The following SCTR variants were observed in gnomAD, a reference collection of about 807,000 sequenced individuals.
SCTR encodes secretin receptor.
A neutral mutation model predicts 60.8 loss-of-function variants in SCTR; 56 were observed. The ratio of observed to expected loss-of-function variants is 0.92; its 90% CI spans 0.74 to 1.15. The LOEUF (loss-of-function observed/expected upper bound fraction) is 1.15. Among genes scored for constraint, SCTR ranks in the 50% most tolerant of loss-of-function variants. The pLI is 0.00. For missense variants in SCTR, 562 were observed against 550.4 expected (o/e 1.02, Z -0.21); for synonymous variants, 202 against 217.0 (o/e 0.93, Z 0.61).
rs1436019309 is a variant in SCTR, at chr2:119,465,723, G to A, written c.503+66C>T. The A allele has an allele frequency of 4.5e-6, 5 of 1,100,990 alleles. No individual in the cohort carries two copies. In the African/African-American group the frequency reaches 7.7e-5, roughly 17 times the overall value. 68.2% of individuals were successfully genotyped at this position (1,100,990 alleles called of 1,614,324 possible). ...CTTCCTCTTTCTGTCCTGGGTGGTT[G>A]AGAAGAGACCCAAAGTCTGTACCTG... On this transcript the variant is annotated intron_variant, in intron 5 of 12. Transcript: ENST00000019103.
At chr2:119,479,122 A>G in intron 2 of SCTR, 1 of 1,323,930 alleles carries the variant, frequency 7.6e-7, no homozygotes, top group Non-Finnish European at 9.6e-7. Flanking sequence ...GGTAGTGCTC[A>G]GTGTTGAAGA....
Position 119,491,789 on chromosome 2 carries a change from G to C in SCTR, c.193+2639C>G, listed in dbSNP as rs1678142336. On this transcript the variant is annotated intron_variant, in intron 2 of 12. Coordinates refer to ENST00000019103, the MANE Select transcript of SCTR (RefSeq NM_002980.3). ...GCCCTCCAAAGTGCTGGGATTACAG[G>C]TGTAAGCCGCTGTGCCCGGCAATCA... is the stretch of plus-strand genomic sequence containing the variant. Among the ~76,000 whole-genome samples, 5 of 152,320 alleles carry C rather than the reference G, an allele frequency of 3.3e-5. No individual in the cohort carries two copies. The South Asian group carries it at 1.0e-3, about 32-fold the overall frequency.
chr2:119,480,331 A>C (rs1677543527), intron 2 of SCTR, among the ~76,000 whole-genome samples: 1 of 152,228 alleles, frequency 6.6e-6, no homozygotes, highest in African/African-American at 2.4e-5. Context: ...GACTTCTTAC[A>C]TGGCGGTGGG....
chr2:119,448,688 C>T lies in SCTR; in HGVS notation c.1013+1G>A, dbSNP rs777973271. The T allele has an allele frequency of 6.4e-7, 1 of 1,551,484 alleles. No homozygotes were observed. Among genetic ancestry groups the T allele is most frequent in the Non-Finnish European group, 8.9e-7 (1 of 1,122,896 alleles). On this transcript the variant is annotated splice_donor_variant, in intron 10 of 12. Coordinates refer to ENST00000019103, the MANE Select transcript of SCTR (RefSeq NM_002980.3). LOFTEE classifies it high-confidence loss of function. ...TGCCTCAGTCTTTGCCCTTCACTTA[C>T]TTATAATGGCTGACTTCATTTCCTC...
chr2:119,517,626 T>C (rs887647611), intron 1 of SCTR, among the ~76,000 whole-genome samples: 4 of 152,154 alleles, frequency 2.6e-5, no homozygotes, highest in South Asian at 2.1e-4. Context: ...TACAGGAAGC[T>C]GGCCACCAGG....
At chr2:119,453,478 C>G (rs1683252757) in intron 7 of SCTR, 131 bp from the exon 8 acceptor site, 1 of 714,796 alleles carries the variant, frequency 1.4e-6, no homozygotes, top group Non-Finnish European at 2.5e-6. Context: ...CCACAGAAAC[C>G]CCTCTGCCAT....
chr2:119,477,729 G>C (rs541715703), intron 3 of SCTR, among the ~76,000 whole-genome samples: 3 of 152,332 alleles, frequency 2.0e-5, no homozygotes, highest in African/African-American at 7.2e-5. Context: ...GGGATTACAG[G>C]TGTGAGCCAC....
At chr2:119,503,295 G>T (rs530900151) in intron 1 of SCTR, among the ~76,000 whole-genome samples, 3 of 152,226 alleles carry the variant, frequency 2.0e-5, no homozygotes, top group Admixed American at 6.5e-5. Flanking sequence ...AGCTGGCAGT[G>T]GCGTCTTACA....
At chr2:119,481,486 G>A (rs957128816) in intron 2 of SCTR, among the ~76,000 whole-genome samples, 1 of 152,210 alleles carries the variant, frequency 6.6e-6, no homozygotes, top group African/African-American at 2.4e-5. Flanking sequence ...AAATGCCGCT[G>A]AAGTGGTTCC....
At chr2:119,456,256 C>T (rs954552444) in intron 7 of SCTR, among the ~76,000 whole-genome samples, 7 of 151,920 alleles carry the variant, frequency 4.6e-5, no homozygotes, top group African/African-American at 1.7e-4. Flanking sequence ...GACAGGGTTT[C>T]AACACGTTGG....
chr2:119,508,383 C>CTTTTTTTTTTTTTTTTTTTTTTTTTTTTT (rs34070844), intron 1 of SCTR, among the ~76,000 whole-genome samples: 7 of 77,376 alleles, frequency 9.0e-5, no homozygotes, highest in Non-Finnish European at 1.1e-4. Flanking sequence ...TCTTCTTCTT[C>CTTTTTTTTTTTTTTTTTTTTTTTTTTTTT]TTTTTTTTTT....
chr2:119,457,207 A>C (rs1180519141), intron 7 of SCTR, among the ~76,000 whole-genome samples: 1 of 152,024 alleles, frequency 6.6e-6, no homozygotes, highest in Non-Finnish European at 1.5e-5. Flanking sequence ...ATTTGAGAGA[A>C]TTGATGCTGG....
At chr2:119,441,487 T>A in intron 12 of SCTR, 71 bp downstream of exon 12, 1 of 1,235,808 alleles carries the variant, frequency 8.1e-7, no homozygotes, top group Admixed American at 1.8e-5. Context: ...CCCTCCCAGG[T>A]AGCTCCTTCT....
intron 1 of SCTR, among the ~76,000 whole-genome samples, chr2:119,516,254 G>A (rs967934727): frequency 1.3e-5 from 2 of 152,170 alleles, no homozygotes; most frequent in African/African-American, 2.4e-5. Flanking sequence ...ACCTCGTAGA[G>A]GTACCTGTGC....
chr2:119,506,325 T>C (rs895821781), intron 1 of SCTR, among the ~76,000 whole-genome samples: 3 of 152,150 alleles, frequency 2.0e-5, no homozygotes, highest in Non-Finnish European at 4.4e-5. Context: ...TATTCGGCAA[T>C]AAAAAGAGCA....
chr2:119,513,328 A>G (rs918159242), intron 1 of SCTR, among the ~76,000 whole-genome samples: 1 of 152,136 alleles, frequency 6.6e-6, no homozygotes, highest in African/African-American at 2.4e-5. Flanking sequence ...TGTCATTTTA[A>G]AAGTGTTTCC....
chr2:119,483,427 C>G (rs999651575), intron 2 of SCTR, among the ~76,000 whole-genome samples: 4 of 152,216 alleles, frequency 2.6e-5, no homozygotes, highest in African/African-American at 9.6e-5. Flanking sequence ...CTCCTCCAGG[C>G]TGGCCTTGGT....
At chr2:119,475,676 GTATTA>G (rs1460547210) in intron 3 of SCTR, among the ~76,000 whole-genome samples, 15 of 145,940 alleles carry the variant, frequency 1.0e-4, no homozygotes, top group African/African-American at 2.5e-4. Flanking sequence ...ATTTATATTT[GTATTA>G]TATTATAAAT....
In SCTR at chr2:119,478,720, A is replaced by G. The variant is rs1573867365; in HGVS notation, c.301+91T>C. ...TTGTACCCATACTTGTCCTCAGAGA[A>G]GGTTCCTTGGCCTCCTGCCTCTAAG... On this transcript the variant is annotated intron_variant, in intron 3 of 12. Coordinates refer to ENST00000019103, the MANE Select transcript of SCTR (RefSeq NM_002980.3). 2.5e-5 allele frequency: 28 copies of G among 1,115,286 alleles called. No homozygotes were observed. The East Asian group carries it at 6.6e-4, about 26-fold the overall frequency. The allele number at this position is 1,115,286 out of a possible 1,614,324, so 69.1% of individuals were successfully genotyped here.
Sources: allele counts gnomAD v4.1 joint callset (sites outside exome capture counted in the v4.1 genomes callset), GRCh38; gene constraint gnomAD v4.1.1; transcripts MANE v1.5; gene names NCBI Gene and HGNC (gene_info 2026-07-23, HGNC 2026-07-21).